SRC: variants seen among roughly 807,000 people sequenced by gnomAD.
The protein encoded by SRC is SRC proto-oncogene, non-receptor tyrosine kinase.
In SRC, 13 loss-of-function variants were observed where a neutral mutation model predicts 62.9. The ratio of observed to expected loss-of-function variants is 0.21; its 90% CI spans 0.13 to 0.33. The LOEUF (loss-of-function observed/expected upper bound fraction) is 0.33. SRC is among the 10% of genes least tolerant of loss of function. The probability of loss-of-function intolerance (pLI) is 1.00; values close to 1 mark genes in which losing one functional copy is unlikely to be tolerated. For missense variants in SRC, 457 were observed against 737.3 expected (o/e 0.62, Z 4.40); for synonymous variants, 302 against 317.5 (o/e 0.95, Z 0.52).
At chr20:37,357,060 C>T (rs1170622093) in intron 1 of SRC, among the ~76,000 whole-genome samples, 2 of 152,190 alleles carry the variant, frequency 1.3e-5, no homozygotes, top group Admixed American at 6.5e-5. Flanking sequence ...CCAGCCGGCT[C>T]GGGGACTGAG....
At chr20:37,373,858 G>A (rs2070235735) in intron 2 of SRC, among the ~76,000 whole-genome samples, 3 of 152,106 alleles carry the variant, frequency 2.0e-5, no homozygotes, top group Non-Finnish European at 1.5e-5. Flanking sequence ...CTGATGTACT[G>A]ATGTGCCAAT....
intron 9 of SRC, among the ~76,000 whole-genome samples, chr20:37,399,176 A>C (rs2070701394): frequency 6.6e-6 from 1 of 152,184 alleles, no homozygotes; most frequent in African/African-American, 2.4e-5. Flanking sequence ...GCACTATGGA[A>C]TCCCCATTTT....
In SRC at chr20:37,402,629, C is replaced by G; in HGVS notation, c.1270+41C>G. 1 of 1,588,852 alleles carries G rather than the reference C, an allele frequency of 6.3e-7. No individual in the cohort carries two copies. Among genetic ancestry groups the G allele is most frequent in the Non-Finnish European group, 8.6e-7 (1 of 1,165,218 alleles). ...GTGGTATGTCGCGCTTGGCCTGGGA[C>G]AGGTCACGTCCCGCTCTGAGCCCCA... On this transcript the variant is annotated intron_variant, in intron 12 of 13. Transcript: ENST00000373578. This position sits in a 1 kb window ranked among gnomAD's most constrained non-coding sequence, Gnocchi z 6.2.
chr20:37,393,124 CA>C (rs1284508769), intron 5 of SRC, among the ~76,000 whole-genome samples: 1 of 152,234 alleles, frequency 6.6e-6, no homozygotes, highest in Non-Finnish European at 1.5e-5. Flanking sequence ...CTCACTTTCG[CA>C]TAGAAGTGCC....
intron 2 of SRC, among the ~76,000 whole-genome samples, chr20:37,373,016 A>G (rs1454639796): frequency 1.3e-5 from 2 of 150,876 alleles, no homozygotes; most frequent in Non-Finnish European, 3.0e-5. Flanking sequence ...CCCTTTATGC[A>G]TATATATACA....
In SRC at chr20:37,384,543, C is replaced by CGGGGGGGGGGGGGG. The variant is rs1242378998; in HGVS notation, c.250+146_250+147insGGGGGGGGGGGGGG. On this transcript the variant is annotated intron_variant, in intron 4 of 13. Transcript: ENST00000373578. This position sits in a 1 kb window ranked among gnomAD's most constrained non-coding sequence, Gnocchi z 6.7. ...AGCGCCCCTGGGTGACTTGGGTGTC[C>CGGGGGGGGGGGGGG]GGGGGGTGGGGGGGCGGCCGTACAC... The CGGGGGGGGGGGGGG allele has an allele frequency of 6.3e-6, 1 of 159,488 alleles. No individual in the cohort carries two copies. Among genetic ancestry groups the CGGGGGGGGGGGGGG allele is most frequent in the African/African-American group, 5.1e-5 (1 of 19,554 alleles). 9.9% of individuals were successfully genotyped at this position (159,488 alleles called of 1,614,324 possible).
intron 10 of SRC, among the ~76,000 whole-genome samples, chr20:37,400,974 C>A (rs1295906405): frequency 6.6e-6 from 1 of 152,012 alleles, no homozygotes; most frequent in Non-Finnish European, 1.5e-5. Context: ...ATCTGGGATG[C>A]ATTGTTTTTT....
intron 1 of SRC, among the ~76,000 whole-genome samples, chr20:37,346,892 T>C (rs1465737405): frequency 1.3e-5 from 2 of 151,568 alleles, no homozygotes; most frequent in African/African-American, 2.4e-5. Context: ...GGCAAAAGTT[T>C]TGGGGGTTGG....
chr20:37,401,591 T>A lies in SRC; in HGVS notation c.1040-11T>A. 6.2e-7 allele frequency: 1 copy of A among 1,607,312 alleles called. No homozygotes were observed. The highest frequency in any genetic ancestry group is 8.5e-7 in the Non-Finnish European group (1 of 1,176,120). ...AGGGCAGGAGCTGGAGCTGGGTCTC[T>A]CTCTGCCCAGGGAGTTTGCTGGACT... On this transcript the variant is annotated splice_polypyrimidine_tract_variant and intron_variant, in intron 10 of 13. Coordinates refer to ENST00000373578, the MANE Select transcript of SRC (RefSeq NM_198291.3).
At chr20:37,375,884 T>G (rs1259654701) in intron 2 of SRC, among the ~76,000 whole-genome samples, 1 of 152,178 alleles carries the variant, frequency 6.6e-6, no homozygotes, top group Non-Finnish European at 1.5e-5. Context: ...CTCTTCCTGG[T>G]TTGCAAACGG....
chr20:37,397,623 G>A lies in SRC; in HGVS notation c.704-76G>A. On this transcript the variant is annotated intron_variant, in intron 8 of 13. Transcript: ENST00000373578. This position sits in a 1 kb window ranked among gnomAD's most constrained non-coding sequence, Gnocchi z 4.1. ...GAAATCTGTGTGCATCTGGCATGTA[G>A]GGCGACACACACTGAGGGGCAGGGA... 1.4e-6 allele frequency: 2 copies of A among 1,457,546 alleles called. No homozygotes were observed. The highest frequency in any genetic ancestry group is 1.8e-6 in the Non-Finnish European group (2 of 1,102,770). 90.3% of individuals were successfully genotyped at this position (1,457,546 alleles called of 1,614,324 possible). A position where few individuals can be genotyped will look rare whatever the true frequency, so the allele number is the denominator to read the frequency against.
At chr20:37,387,563 A>C (rs1252380612) in intron 5 of SRC, among the ~76,000 whole-genome samples, 1 of 54,562 alleles carries the variant, frequency 1.8e-5, no homozygotes, top group African/African-American at 6.9e-5. Context: ...GGGGGGTGGG[A>C]GGGGGGGCTC....
intron 4 of SRC, 92 bp from the exon 5 acceptor site, chr20:37,385,983 C>G (rs1328591567): frequency 2.0e-6 from 2 of 1,013,638 alleles, no homozygotes; most frequent in Non-Finnish European, 3.1e-6. Flanking sequence ...GTGTGGGAGA[C>G]AAATCCACTC....
chr20:37,362,245 C>A (rs527986006), intron 1 of SRC, among the ~76,000 whole-genome samples: 98 of 150,868 alleles, frequency 6.5e-4, no homozygotes, highest in African/African-American at 2.2e-3. Context: ...TTTTTTGTAG[C>A]GATGGGGGTC....
Position 37,346,242 on chromosome 20 carries a change from G to C in SRC, c.-260G>C, listed in dbSNP as rs1407007492. On this transcript the variant is annotated 5_prime_UTR_variant, in exon 1 of 14. Coordinates refer to ENST00000373578, the MANE Select transcript of SRC (RefSeq NM_198291.3). ...CGTCCGTCTGCCGGTGAGCCCGCCC[G>C]CCCGCCGGCCCAGGTGAGCGCCCCC... 6.7e-6 allele frequency: 1 copy of C among 150,260 alleles called. No individual in the cohort carries two copies. Among genetic ancestry groups the C allele is most frequent in the African/African-American group, 2.4e-5 (1 of 41,056 alleles). 9.3% of individuals were successfully genotyped at this position (150,260 alleles called of 1,614,324 possible). A position where few individuals can be genotyped will look rare whatever the true frequency, so the allele number is the denominator to read the frequency against.
In SRC at chr20:37,397,922, C is replaced by A; in HGVS notation, c.859+68C>A. The stretch of plus-strand genomic sequence containing the variant: ...ACCCCGTGTGGCAGCTCCGGGCTCC[C>A]TTGGTCCCTTTGCCTTTAGCTGCCT... On this transcript the variant is annotated intron_variant, in intron 9 of 13. Transcript: ENST00000373578. The surrounding 1 kb of genome is among the most constrained non-coding windows in gnomAD (Gnocchi z 4.1). 6.6e-7 allele frequency: 1 copy of A among 1,513,734 alleles called. No individual in the cohort carries two copies. The highest frequency in any genetic ancestry group is 1.2e-5 in the South Asian group (1 of 80,602). The allele number at this position is 1,513,734 out of a possible 1,614,324, so 93.8% of individuals were successfully genotyped here.
intron 1 of SRC, among the ~76,000 whole-genome samples, chr20:37,361,643 G>A (rs1312232919): frequency 1.3e-5 from 2 of 152,224 alleles, no homozygotes; most frequent in Non-Finnish European, 2.9e-5. Context: ...AGGCACATCA[G>A]CCATCACCCA....
At chr20:37,374,569 CTCT>C (rs1456596046) in intron 2 of SRC, among the ~76,000 whole-genome samples, 4 of 116,900 alleles carry the variant, frequency 3.4e-5, no homozygotes, top group Non-Finnish European at 4.9e-5. Flanking sequence ...TATAATAATA[CTCT>C]TTTTTTTTTT....
chr20:37,402,793 T>C lies in SRC; in HGVS notation c.1315T>C (p.Tyr439His). Residue 439 changes from tyrosine to histidine, a missense_variant, in exon 13 of 14, where the codon TAT becomes CAT. This residue lies in a region of SRC where 168 missense variants were observed against 357.8 expected (regional missense o/e 0.47). Coordinates refer to ENST00000373578, the MANE Select transcript of SRC (RefSeq NM_198291.3). The surrounding 1 kb of genome is among the most constrained non-coding windows in gnomAD (Gnocchi z 6.2). ...IKWTAPEAAL[Y>H]GRFTIKSDVW... is the part of the protein sequence containing the mutation. ...GTGGACGGCTCCAGAAGCTGCCCTC[T>C]ATGGCCGCTTCACCATCAAGTCGGA... 1 of 1,614,006 alleles carries C rather than the reference T, an allele frequency of 6.2e-7. No homozygotes were observed. Among genetic ancestry groups the C allele is most frequent in the Non-Finnish European group, 8.5e-7 (1 of 1,179,952 alleles).
Sources: allele counts gnomAD v4.1 joint callset (sites outside exome capture counted in the v4.1 genomes callset), GRCh38; gene constraint gnomAD v4.1.1; regional missense constraint gnomAD v4.1.1; non-coding constraint Gnocchi (gnomAD v3.1); transcripts MANE v1.5; gene names NCBI Gene and HGNC (gene_info 2026-07-23, HGNC 2026-07-21).